The following IKZF1 variants were observed in gnomAD, a reference collection of about 807,000 sequenced individuals.
The protein encoded by IKZF1 is DNA-binding protein Ikaros.
IKZF1 carries 10 observed loss-of-function variants against 51.7 expected under a neutral mutation model. The observed-to-expected ratio is 0.19, with a 90% confidence interval of 0.12 to 0.33. The LOEUF (loss-of-function observed/expected upper bound fraction) is 0.33. IKZF1 is among the 10% of genes least tolerant of loss of function. IKZF1 has a pLI of 1.00. For synonymous variants in IKZF1, 280 were observed against 282.3 expected, an observed-to-expected ratio of 0.99 and a Z score of 0.08; for missense variants, 484 against 707.5, an observed-to-expected ratio of 0.68 and a Z score of 3.58.
chr7:50,375,479 G>C (rs1809965153), intron 3 of IKZF1, among the ~76,000 whole-genome samples: 1 of 152,102 alleles, frequency 6.6e-6, no homozygotes, highest in African/African-American at 2.4e-5. Context: ...TTATTAAAAT[G>C]GTGGCTTTCA....
At position 50,335,662 on chromosome 7, in the gene IKZF1, G is replaced by T. The variant is rs888601534; in HGVS notation, c.160+7905G>T. ...TGTGTATGGGATGTATGGTGTGTAT[G>T]TGTGTATGGGAAGCGTGGTATGTGG... On this transcript the variant is annotated intron_variant, in intron 3 of 7. Transcript: ENST00000331340. Among the ~76,000 whole-genome samples, 212 of 151,186 alleles carry T rather than the reference G, an allele frequency of 1.4e-3. 8 individuals carry two copies. The East Asian group carries it at 0.034, about 24-fold the overall frequency.
At chr7:50,389,982 G>A (rs1377272234) in intron 6 of IKZF1, among the ~76,000 whole-genome samples, 1 of 152,158 alleles carries the variant, frequency 6.6e-6, no homozygotes, top group African/African-American at 2.4e-5. Flanking sequence ...GGCAATATAG[G>A]AAAAGATGAA....
intron 3 of IKZF1, among the ~76,000 whole-genome samples, chr7:50,343,622 C>T (rs929996555): frequency 5.9e-5 from 9 of 152,204 alleles, no homozygotes; most frequent in Admixed American, 4.6e-4. Flanking sequence ...GGAGAAGACA[C>T]GCTGTGGTTA....
intron 7 of IKZF1, among the ~76,000 whole-genome samples, chr7:50,395,447 A>G (rs1184017884): frequency 6.6e-6 from 1 of 152,194 alleles, no homozygotes; most frequent in Non-Finnish European, 1.5e-5. Flanking sequence ...AGAAATTTGA[A>G]TTTTTTTTAA....
At chr7:50,352,069 T>C (rs1801996667) in intron 3 of IKZF1, among the ~76,000 whole-genome samples, 1 of 152,206 alleles carries the variant, frequency 6.6e-6, no homozygotes, top group Non-Finnish European at 1.5e-5. Flanking sequence ...TCAGCACACA[T>C]TTCTGTTGCC....
chr7:50,374,135 A>T (rs183971173), intron 3 of IKZF1, among the ~76,000 whole-genome samples: 77 of 152,272 alleles, frequency 5.1e-4, no homozygotes, highest in Admixed American at 1.6e-3. Context: ...TTCATTATTC[A>T]TCTGTAAGTC....
At chr7:50,316,339 T>C (rs924611971) in intron 1 of IKZF1, among the ~76,000 whole-genome samples, 2 of 152,216 alleles carry the variant, frequency 1.3e-5, no homozygotes, top group Admixed American at 6.5e-5. Flanking sequence ...AGCCCCCTGC[T>C]GTCAGAAACA....
chr7:50,317,608 A>G (rs1791924750), intron 1 of IKZF1, among the ~76,000 whole-genome samples: 1 of 152,136 alleles, frequency 6.6e-6, no homozygotes, highest in African/African-American at 2.4e-5. Flanking sequence ...CTGTACTCCT[A>G]AGCCACACAC....
At chr7:50,373,364 G>A (rs1445971064) in intron 3 of IKZF1, among the ~76,000 whole-genome samples, 2 of 152,230 alleles carry the variant, frequency 1.3e-5, no homozygotes, top group Non-Finnish European at 2.9e-5. Flanking sequence ...AGAAGAACAA[G>A]TGATAGCTTC....
rs976621818 is a variant in IKZF1, at chr7:50,403,091, A to G, written c.*2464A>G. On this transcript the variant is annotated 3_prime_UTR_variant, in exon 8 of 8. Transcript: ENST00000331340. ...AGTGATTGCAGGAATTCTTTTCTAAACTGCTTTGCCCTTTCCTCTCACTGC... is the reference window on the plus strand; with the variant it reads ...AGTGATTGCAGGAATTCTTTTCTAAGCTGCTTTGCCCTTTCCTCTCACTGC... 1.3e-5 allele frequency: 3 copies of G among 223,190 alleles called. No homozygotes were observed. The highest frequency in any genetic ancestry group is 2.7e-5 in the Non-Finnish European group (3 of 111,812). 13.8% of individuals were successfully genotyped at this position (223,190 alleles called of 1,614,324 possible).
In IKZF1 at chr7:50,392,270, C is replaced by A. The variant is rs531172183; in HGVS notation, c.850+407C>A. ...TTCATATGAAGCTCCTAATGCTCCC[C>A]TTATGGGGGACTCTGAAGGGTTAAT... On this transcript the variant is annotated intron_variant, in intron 7 of 7. Coordinates refer to ENST00000331340, the MANE Select transcript of IKZF1 (RefSeq NM_006060.6). Among the ~76,000 whole-genome samples, 52 of 152,282 alleles carry A rather than the reference C, an allele frequency of 3.4e-4. 1 individual carries two copies. Among genetic ancestry groups the A allele is most frequent in the Middle Eastern group, 3.4e-3 (1 of 294 alleles).
chr7:50,307,199 G>A lies in IKZF1; in HGVS notation c.-15+2277G>A, dbSNP rs542173101. The stretch of plus-strand genomic sequence containing the variant: ...TTTTTTGAGTGTTGCATAATTGTAC[G>A]TATTAATGTAATGTAACTGTGGTTA... On this transcript the variant is annotated intron_variant, in intron 1 of 7. Transcript: ENST00000331340. Among the ~76,000 whole-genome samples the A allele has an allele frequency of 7.9e-5, 12 of 152,204 alleles. 1 individual carries two copies. In the South Asian group the frequency reaches 1.5e-3, roughly 18 times the overall value.
At position 50,404,717 on chromosome 7, in the gene IKZF1, C is replaced by T. The variant is rs1056287640; in HGVS notation, c.*4090C>T. The T allele has an allele frequency of 1.7e-5, 4 of 231,262 alleles. No homozygotes were observed. Among genetic ancestry groups the T allele is most frequent in the African/African-American group, 8.9e-5 (4 of 45,190 alleles). The allele number at this position is 231,262 out of a possible 1,614,324, so 14.3% of individuals were successfully genotyped here. A position where few individuals can be genotyped will look rare whatever the true frequency, so the allele number is the denominator to read the frequency against. On this transcript the variant is annotated 3_prime_UTR_variant, in exon 8 of 8. Transcript: ENST00000331340. Reference sequence around the variant, plus strand: ...ATGGAGGGCAACAAGAGATACATTTCCAGTTCTCCACTGCAGCATGCTTCA... The same window carrying T: ...ATGGAGGGCAACAAGAGATACATTTTCAGTTCTCCACTGCAGCATGCTTCA...
chr7:50,388,982 A>C (rs1203455393), intron 6 of IKZF1, among the ~76,000 whole-genome samples: 3 of 152,252 alleles, frequency 2.0e-5, no homozygotes, highest in African/African-American at 7.2e-5. Context: ...AGAATTGAAA[A>C]GACAAAATGA....
intron 1 of IKZF1, among the ~76,000 whole-genome samples, chr7:50,314,323 G>A (rs1022698032): frequency 6.6e-6 from 1 of 152,080 alleles, no homozygotes; most frequent in South Asian, 2.1e-4. Flanking sequence ...TGTTAGCCAG[G>A]ATGGTCTTGA....
chr7:50,315,476 C>T (rs1791311467), intron 1 of IKZF1, among the ~76,000 whole-genome samples: 1 of 152,198 alleles, frequency 6.6e-6, no homozygotes, highest in South Asian at 2.1e-4. Flanking sequence ...CTTATCTCTG[C>T]ATCTATTTCC....
At chr7:50,327,463 G>A (rs1259008167) in intron 2 of IKZF1, 175 bp from the exon 3 acceptor site, 3 of 604,516 alleles carry the variant, frequency 5.0e-6, no homozygotes, top group Non-Finnish European at 8.2e-6. Flanking sequence ...TTTGTATTGT[G>A]TGGGGAGAAG....
intron 5 of IKZF1, among the ~76,000 whole-genome samples, chr7:50,386,604 C>T (rs1436908703): frequency 2.6e-5 from 4 of 151,412 alleles, no homozygotes; most frequent in East Asian, 3.9e-4. Context: ...TATGAGAATA[C>T]GTATACATAG....
intron 2 of IKZF1, among the ~76,000 whole-genome samples, chr7:50,324,716 A>G (rs545797015): frequency 6.6e-6 from 1 of 152,366 alleles, no homozygotes; most frequent in Admixed American, 6.5e-5. Context: ...ACCATCCTCA[A>G]CAAATTGTAG....
Sources: gnomAD v4.1 joint callset for allele counts (sites outside exome capture counted in the v4.1 genomes callset) on GRCh38, gnomAD v4.1.1 for gene constraint, MANE v1.5 for transcripts, NCBI Gene and HGNC (gene_info 2026-07-23, HGNC 2026-07-21) for gene names.